Variants in ROR2 observed in about 807,000 individuals in gnomAD.
ROR2 encodes tyrosine-protein kinase transmembrane receptor ROR2.
Under a neutral mutation model 74.9 loss-of-function variants are expected in ROR2, and 33 were observed. The ratio of observed to expected loss-of-function variants is 0.44; its 90% CI spans 0.33 to 0.59. ROR2 has a LOEUF of 0.59. Among genes scored for constraint, ROR2 ranks in the 20% least tolerant of loss-of-function variants. The pLI, the probability that ROR2 is intolerant of heterozygous loss-of-function variation, is 0.02. For synonymous variants in ROR2, 586 were observed against 558.7 expected, an observed-to-expected ratio of 1.05 and a Z score of -0.69; for missense variants, 1,216 against 1,313.8, an observed-to-expected ratio of 0.93 and a Z score of 1.15.
At chr9:91,949,835 G>A (rs1007552830) in intron 1 of ROR2, 32 bp downstream of exon 1, 1 of 1,358,566 alleles carries the variant, frequency 7.4e-7, no homozygotes, top group Non-Finnish European at 1.0e-6. Context: ...GTGAGCTACC[G>A]TCTGCGCACA....
At chr9:91,856,994 T>C (rs55956910) in intron 1 of ROR2, among the ~76,000 whole-genome samples, 72,078 of 152,146 alleles carry the variant, frequency 0.47, 19,538 homozygotes, top group African/African-American at 0.74. Context: ...AGGGCCCCTG[T>C]CTTGAGTCTC....
chr9:91,909,046 A>G (rs1462029718), intron 1 of ROR2, among the ~76,000 whole-genome samples: 6 of 152,226 alleles, frequency 3.9e-5, no homozygotes, highest in African/African-American at 1.4e-4. Context: ...AAAGCACCGG[A>G]GTCCACAGGG....
chr9:91,801,411 C>A (rs1400247871), intron 1 of ROR2, among the ~76,000 whole-genome samples: 1 of 152,172 alleles, frequency 6.6e-6, no homozygotes, highest in Admixed American at 6.5e-5. Context: ...CAGCTCACTG[C>A]CACCTCCACC....
intron 8 of ROR2, 68 bp downstream of exon 8, chr9:91,726,472 TG>T (rs1458082859): frequency 1.5e-6 from 2 of 1,376,926 alleles, no homozygotes; most frequent in African/African-American, 1.4e-5. Flanking sequence ...CATTTAATGT[TG>T]GGGGAAACAA....
At chr9:91,769,009 A>T (rs1293827041) in intron 2 of ROR2, among the ~76,000 whole-genome samples, 1 of 152,122 alleles carries the variant, frequency 6.6e-6, no homozygotes, top group Non-Finnish European at 1.5e-5. Flanking sequence ...TGTCCAATGG[A>T]TGTTAGAAAA....
In ROR2 at chr9:91,867,928, G is replaced by A. The variant is rs369186488; in HGVS notation, c.97+81939C>T. Among the ~76,000 whole-genome samples the A allele has an allele frequency of 1.0e-3, 154 of 152,092 alleles. 6 individuals are homozygous for A. In the South Asian group the frequency reaches 0.029, roughly 29 times the overall value. On this transcript the variant is annotated intron_variant, in intron 1 of 8. Transcript: ENST00000375708. ...AAACAGTATCAACATTCCCCACAAC[G>A]GCTGAACAACACCCAGAGTCTCACC...
At chr9:91,822,827 C>T (rs893092406) in intron 1 of ROR2, among the ~76,000 whole-genome samples, 3 of 152,132 alleles carry the variant, frequency 2.0e-5, no homozygotes, top group Non-Finnish European at 2.9e-5. Context: ...ACCACTGACC[C>T]CTACGTGTGA....
At chr9:91,909,847 G>GTTTTTTTTTTTTTTTTTTTTTTTTTGT (rs71362365) in intron 1 of ROR2, among the ~76,000 whole-genome samples, 1 of 53,598 alleles carries the variant, frequency 1.9e-5, no homozygotes, top group Non-Finnish European at 3.1e-5. Context: ...GGTTTGTTTT[G>GTTTTTTTTTTTTTTTTTTTTTTTTTGT]TTTTTTTTTT....
chr9:91,907,461 G>A (rs1484503905), intron 1 of ROR2, among the ~76,000 whole-genome samples: 1 of 152,162 alleles, frequency 6.6e-6, no homozygotes, highest in Non-Finnish European at 1.5e-5. Flanking sequence ...TTTCTTTTTA[G>A]GATATCAGCA....
intron 2 of ROR2, among the ~76,000 whole-genome samples, chr9:91,768,672 G>A (rs1564263204): frequency 6.6e-6 from 1 of 152,226 alleles, no homozygotes; most frequent in Non-Finnish European, 1.5e-5. Flanking sequence ...ATCGAGGACT[G>A]CAGGGAAGGT....
chr9:91,874,411 AT>A (rs1829898575), intron 1 of ROR2, among the ~76,000 whole-genome samples: 2 of 150,966 alleles, frequency 1.3e-5, no homozygotes, highest in South Asian at 4.2e-4. Context: ...GTAATTAAGT[AT>A]TTAATTGATG....
intron 6 of ROR2, among the ~76,000 whole-genome samples, chr9:91,731,632 T>C (rs952353901): frequency 6.6e-6 from 1 of 152,170 alleles, no homozygotes; most frequent in Non-Finnish European, 1.5e-5. Context: ...GTGTTTACCA[T>C]GTGTGGGGCG....
chr9:91,935,086 T>G (rs1349380429), intron 1 of ROR2, among the ~76,000 whole-genome samples: 1 of 152,154 alleles, frequency 6.6e-6, no homozygotes, highest in Non-Finnish European at 1.5e-5. Context: ...CTAGGATCCA[T>G]CTGTGAAAAG....
intron 1 of ROR2, among the ~76,000 whole-genome samples, chr9:91,859,686 G>A (rs769418965): frequency 3.3e-5 from 5 of 152,032 alleles, no homozygotes; most frequent in Non-Finnish European, 7.3e-5. Context: ...TTAGCCGGTC[G>A]TGGTGGTGCA....
chr9:91,942,125 G>A (rs1831888628), intron 1 of ROR2, among the ~76,000 whole-genome samples: 1 of 152,098 alleles, frequency 6.6e-6, no homozygotes, highest in Admixed American at 6.5e-5. Flanking sequence ...GGCCTGCCCT[G>A]TTTCATCGCT....
intron 1 of ROR2, among the ~76,000 whole-genome samples, chr9:91,794,626 G>T (rs1008924026): frequency 6.6e-6 from 1 of 151,850 alleles, no homozygotes; most frequent in African/African-American, 2.4e-5. Flanking sequence ...TGTCACCCAG[G>T]CCCAGGCTGG....
Position 91,723,870 on chromosome 9 carries a change from G to A in ROR2, c.2624C>T (p.Thr875Ile). Residue 875 changes from threonine to isoleucine, a missense_variant, in exon 9 of 9, where the codon ACC (threonine) becomes ATC (isoleucine). Coordinates refer to ENST00000375708, the MANE Select transcript of ROR2 (RefSeq NM_004560.4). ...CATGGATGTGTTGGAGGGGGCCGTG[G>A]TGACGTAGCCTGTGCTGGTGGAGCC... The part of the protein sequence containing the change: ...GSGSTSTGYV[T>I]TAPSNTSMAD... 1 of 1,614,058 alleles carries A rather than the reference G, an allele frequency of 6.2e-7. No homozygotes were observed. The highest frequency in any genetic ancestry group is 1.1e-5 in the South Asian group (1 of 91,080).
chr9:91,855,695 A>T (rs1829258863), intron 1 of ROR2, among the ~76,000 whole-genome samples: 1 of 152,092 alleles, frequency 6.6e-6, no homozygotes, highest in African/African-American at 2.4e-5. Context: ...TACGGACATC[A>T]TGACATGGTG....
chr9:91,907,124 G>GT (rs551961727), intron 1 of ROR2, among the ~76,000 whole-genome samples: 1 of 152,054 alleles, frequency 6.6e-6, no homozygotes, highest in East Asian at 1.9e-4. Flanking sequence ...TCACAGCAGC[G>GT]TATGAAATCC....
Sources: allele counts gnomAD v4.1 joint callset (sites outside exome capture counted in the v4.1 genomes callset), GRCh38; gene constraint gnomAD v4.1.1; transcripts MANE v1.5; gene names NCBI Gene and HGNC (gene_info 2026-07-23, HGNC 2026-07-21).